UGT2A2: variants seen among roughly 807,000 people sequenced by gnomAD.
UGT2A2 encodes the protein UDP glucuronosyltransferase family 2 member A2.
A neutral mutation model predicts 50.7 loss-of-function variants in UGT2A2; 60 were observed. The ratio of observed to expected loss-of-function variants is 1.18; its 90% CI spans 0.96 to 1.47. The LOEUF is 1.47. Ranked by LOEUF, UGT2A2 falls within the 40% of genes most tolerant of loss-of-function variation. UGT2A2 has a pLI of 0.00. For missense variants in UGT2A2, 762 were observed against 634.0 expected, an observed-to-expected ratio of 1.20 and a Z score of -2.17; for synonymous variants, 242 against 214.6, an observed-to-expected ratio of 1.13 and a Z score of -1.11.
At position 69,599,695 on chromosome 4, in the gene UGT2A2, A is replaced by AAGAGAG. The variant is rs138740078; in HGVS notation, c.743-307_743-302dup. 9.3e-3 allele frequency: 1,872 copies of AAGAGAG among 200,514 alleles called. 29 individuals are homozygous for AAGAGAG. The highest frequency in any genetic ancestry group is 0.041 in the African/African-American group (1,733 of 42,050). The allele number at this position is 200,514 out of a possible 1,614,324, so 12.4% of individuals were successfully genotyped here. The stretch of plus-strand genomic sequence containing the variant: ...GGGAAGAAAGAGGTAGAAATAAAGA[A>AAGAGAG]AGAGAGAGAGAGAGGAAGAGAGAGA... On this transcript the variant is annotated intron_variant, in intron 1 of 5. Transcript: ENST00000604629.
rs1578002126 is a variant in UGT2A2, at chr4:69,639,249, T to C, written c.392A>G (p.Asn131Ser). 3 of 1,613,714 alleles carry C rather than the reference T, an allele frequency of 1.9e-6. No homozygotes were observed. Among genetic ancestry groups the C allele is most frequent in the South Asian group, 1.1e-5 (1 of 91,036 alleles). The change falls in exon 1 of 6, where the codon AAC (asparagine) becomes AGC (serine). Residue 131 changes from asparagine to serine, a missense_variant. Asn to Ser is a conservative substitution (Grantham distance 46). Coordinates refer to ENST00000604629, the MANE Select transcript of UGT2A2 (RefSeq NM_001105677.2). ...GKLLDTFFQI[N>S]IQLCDGVLKN... is the part of the protein sequence containing the mutation. ...TAGTACACCATCACAGAGTTGTATG[T>C]TAATTTGAAAGAAAGTGTCTAGAAG... is the stretch of plus-strand genomic sequence containing the variant.
intron 1 of UGT2A2, among the ~76,000 whole-genome samples, chr4:69,625,496 C>A (rs947086894): frequency 6.6e-6 from 1 of 151,024 alleles, no homozygotes; most frequent in African/African-American, 2.4e-5. Flanking sequence ...GTTTCTATTA[C>A]TATATCTTTA....
intron 1 of UGT2A2, among the ~76,000 whole-genome samples, chr4:69,610,495 C>T (rs1351263723): frequency 1.3e-5 from 2 of 152,072 alleles, no homozygotes; most frequent in Non-Finnish European, 2.9e-5. Flanking sequence ...TAATATTATG[C>T]ACCCTTTAAA....
At chr4:69,609,135 G>A (rs1577964076) in intron 1 of UGT2A2, among the ~76,000 whole-genome samples, 2 of 148,766 alleles carry the variant, frequency 1.3e-5, no homozygotes, top group East Asian at 4.0e-4. Flanking sequence ...ACTGGCTCAG[G>A]CTCATCTAGA....
chr4:69,617,182 G>T (rs1720453834), intron 1 of UGT2A2, among the ~76,000 whole-genome samples: 1 of 151,838 alleles, frequency 6.6e-6, no homozygotes, highest in Non-Finnish European at 1.5e-5. Flanking sequence ...ACAAAAATGT[G>T]CATCCTTTGG....
At chr4:69,629,446 G>T (rs899594859) in intron 1 of UGT2A2, among the ~76,000 whole-genome samples, 4 of 151,990 alleles carry the variant, frequency 2.6e-5, no homozygotes, top group Non-Finnish European at 5.9e-5. Context: ...TATATCTGAG[G>T]TCTTGGTCCA....
intron 1 of UGT2A2, among the ~76,000 whole-genome samples, chr4:69,616,791 A>G (rs1286583160): frequency 1.3e-5 from 2 of 151,432 alleles, no homozygotes; most frequent in Non-Finnish European, 2.9e-5. Flanking sequence ...ATAAAAATCA[A>G]AAGCTAATGA....
At chr4:69,627,581 A>T (rs542441967) in intron 1 of UGT2A2, among the ~76,000 whole-genome samples, 15 of 147,842 alleles carry the variant, frequency 1.0e-4, no homozygotes, top group Admixed American at 1.0e-3. Flanking sequence ...AAAGAGAGAA[A>T]GAAAAAAAGA....
At chr4:69,606,247 T>G (rs145077869) in intron 1 of UGT2A2, among the ~76,000 whole-genome samples, 24,734 of 135,418 alleles carry the variant, frequency 0.18, 5,939 homozygotes, top group Non-Finnish European at 0.22. Flanking sequence ...GCTTCATCCC[T>G]GGGACGCAAG....
chr4:69,610,091 T>C (rs1463770638), intron 1 of UGT2A2, among the ~76,000 whole-genome samples: 1 of 152,162 alleles, frequency 6.6e-6, no homozygotes, highest in African/African-American at 2.4e-5. Flanking sequence ...TTTCTAATAC[T>C]GGCAGCAAAA....
At position 69,639,525 on chromosome 4, in the gene UGT2A2, C is replaced by A. The variant is rs768786338; in HGVS notation, c.116G>T (p.Gly39Val). ...SGNVLIWPTD[G>V]SHWLNIKIIL... ...AATCTTAATATTTAACCAATGGCTA[C>A]CATCTGTAGGCCAAATTAACACATT... is the stretch of plus-strand genomic sequence containing the variant. The change falls in exon 1 of 6, where the codon GGT becomes GTT. Residue 39 changes from glycine (G) to valine (V), a missense_variant. Coordinates refer to ENST00000604629, the MANE Select transcript of UGT2A2 (RefSeq NM_001105677.2). 3 of 1,613,264 alleles carry A rather than the reference C, an allele frequency of 1.9e-6. No individual in the cohort carries two copies. The Admixed American group carries it at 5.0e-5, about 27-fold the overall frequency.
intron 1 of UGT2A2, among the ~76,000 whole-genome samples, chr4:69,610,879 A>G (rs1177752963): frequency 6.6e-6 from 1 of 152,208 alleles, no homozygotes; most frequent in East Asian, 1.9e-4. Context: ...TGCTACAGCT[A>G]CACACCACTG....
intron 5 of UGT2A2, among the ~76,000 whole-genome samples, chr4:69,591,880 A>G (rs1718614074): frequency 6.6e-6 from 1 of 152,114 alleles, no homozygotes; most frequent in African/African-American, 2.4e-5. Context: ...ATTAAAGTCA[A>G]AAAAAGATCA....
chr4:69,625,628 T>C (rs1721011104), intron 1 of UGT2A2, among the ~76,000 whole-genome samples: 1 of 151,438 alleles, frequency 6.6e-6, no homozygotes, highest in Non-Finnish European at 1.5e-5. Context: ...ATTTTATTTT[T>C]CTCATTATAT....
chr4:69,630,151 C>T (rs1022367015), intron 1 of UGT2A2, among the ~76,000 whole-genome samples: 3 of 151,968 alleles, frequency 2.0e-5, no homozygotes, highest in Non-Finnish European at 4.4e-5. Flanking sequence ...GATCAGGGCT[C>T]TAAGTTTCCA....
At position 69,589,364 on chromosome 4, in the gene UGT2A2, T is replaced by C; in HGVS notation, c.*8A>G. The C allele has an allele frequency of 2.5e-6, 4 of 1,604,964 alleles. No individual in the cohort carries two copies. The highest frequency in any genetic ancestry group is 3.4e-6 in the Non-Finnish European group (4 of 1,175,640). On this transcript the variant is annotated 3_prime_UTR_variant, in exon 6 of 6. Transcript: ENST00000604629. ...TTAAAAATATATATATTTCCTCTTTTTCTTGACCTATTCTCTTTTTTTCTT... is the reference window on the plus strand; with the variant it reads ...TTAAAAATATATATATTTCCTCTTTCTCTTGACCTATTCTCTTTTTTTCTT...
rs1378480218 is a variant in UGT2A2, at chr4:69,632,829, A to C, written c.742+6070T>G. ...CTTGAACCCAGGAGGCGGGGGTTGCAGTGAGCCGAGATTGCGCCATTGCAA... is the reference window on the plus strand; with the variant it reads ...CTTGAACCCAGGAGGCGGGGGTTGCCGTGAGCCGAGATTGCGCCATTGCAA... On this transcript the variant is annotated intron_variant, in intron 1 of 5. Coordinates refer to ENST00000604629, the MANE Select transcript of UGT2A2 (RefSeq NM_001105677.2). Among the ~76,000 whole-genome samples, 4 of 151,584 alleles carry C rather than the reference A, an allele frequency of 2.6e-5. No homozygotes were observed. In the South Asian group the frequency reaches 6.3e-4, roughly 24 times the overall value.
chr4:69,611,823 A>G (rs1458731763), intron 1 of UGT2A2, among the ~76,000 whole-genome samples: 2 of 152,158 alleles, frequency 1.3e-5, no homozygotes, highest in African/African-American at 4.8e-5. Flanking sequence ...AGTATGTTTT[A>G]GGGTGGGAAA....
rs748997064 is a variant in UGT2A2, at chr4:69,596,287, T to G, written c.986A>C (p.Asn329Thr). 13 of 1,608,074 alleles carry G rather than the reference T, an allele frequency of 8.1e-6. No individual in the cohort carries two copies. Among genetic ancestry groups the G allele is most frequent in the Non-Finnish European group, 1.0e-5 (12 of 1,176,464 alleles). ...MVKNLTEEKA[N>T]LIASALAQIP... ...CTGGGCAAGGGCTGAGGCAATAAGATTGGCCTTTTCTTCTGTAAGGTTTTT... is the reference window on the plus strand; with the variant it reads ...CTGGGCAAGGGCTGAGGCAATAAGAGTGGCCTTTTCTTCTGTAAGGTTTTT... Residue 329 changes from asparagine to threonine, a missense_variant, in exon 3 of 6, where the codon AAT (asparagine) becomes ACT (threonine). Transcript: ENST00000604629.
Sources: allele counts gnomAD v4.1 joint callset (sites outside exome capture counted in the v4.1 genomes callset), GRCh38; gene constraint gnomAD v4.1.1; transcripts MANE v1.5; gene names NCBI Gene and HGNC (gene_info 2026-07-23, HGNC 2026-07-21).